UST: variants seen among roughly 807,000 people sequenced by gnomAD.
UST encodes the protein uronyl 2-sulfotransferase.
In UST, 21 loss-of-function variants were observed where a neutral mutation model predicts 45.6. The observed-to-expected ratio is 0.46, with a 90% CI of 0.33 to 0.66. The LOEUF (loss-of-function observed/expected upper bound fraction) is 0.66. Among genes scored for constraint, UST ranks in the 30% least tolerant of loss-of-function variants. The pLI is 0.02. For missense variants in UST, 463 were observed against 512.4 expected, an observed-to-expected ratio of 0.90 and a Z score of 0.93; for synonymous variants, 215 against 200.6, an observed-to-expected ratio of 1.07 and a Z score of -0.61.
chr6:148,791,643 C>G (rs1470811763), intron 1 of UST, among the ~76,000 whole-genome samples: 2 of 152,124 alleles, frequency 1.3e-5, no homozygotes, highest in Non-Finnish European at 2.9e-5. Context: ...TCTTGTTGTC[C>G]TAAGTTCTGT....
At chr6:149,035,637 A>C (rs1279785838) in intron 7 of UST, among the ~76,000 whole-genome samples, 2 of 152,074 alleles carry the variant, frequency 1.3e-5, no homozygotes, top group Non-Finnish European at 2.9e-5. Context: ...GTACAGTCAT[A>C]GTCCCAGCTA....
chr6:148,998,667 C>T (rs1352061794), intron 5 of UST, among the ~76,000 whole-genome samples: 5 of 152,138 alleles, frequency 3.3e-5, no homozygotes, highest in South Asian at 2.1e-4. Context: ...GGTAGGGATG[C>T]GGGCCCATCC....
chr6:148,875,940 A>G (rs1284360862), intron 1 of UST, among the ~76,000 whole-genome samples: 1 of 152,256 alleles, frequency 6.6e-6, no homozygotes, highest in Non-Finnish European at 1.5e-5. Context: ...CATTTAATAC[A>G]TCTAATTTAC....
chr6:148,875,414 A>C (rs1226119521), intron 1 of UST, among the ~76,000 whole-genome samples: 1 of 152,220 alleles, frequency 6.6e-6, no homozygotes, highest in Non-Finnish European at 1.5e-5. Context: ...ATATCAAATA[A>C]TTATTTTATA....
At chr6:148,973,133 CATTA>C (rs1175634799) in intron 5 of UST, among the ~76,000 whole-genome samples, 1 of 152,134 alleles carries the variant, frequency 6.6e-6, no homozygotes, top group African/African-American at 2.4e-5. Context: ...AAATAAATGT[CATTA>C]AAGAGGTTTG....
chr6:148,931,815 C>T (rs897909833), intron 2 of UST, among the ~76,000 whole-genome samples: 1 of 152,172 alleles, frequency 6.6e-6, no homozygotes, highest in Non-Finnish European at 1.5e-5. Flanking sequence ...TAATTTTGAT[C>T]ATAAAAGCCA....
chr6:148,818,894 T>A (rs925604822), intron 1 of UST, among the ~76,000 whole-genome samples: 4 of 152,200 alleles, frequency 2.6e-5, no homozygotes, highest in Non-Finnish European at 5.9e-5. Context: ...GTGGTCTTGC[T>A]CCTCTCTTCC....
At chr6:148,755,335 TAAG>T (rs200349708) in intron 1 of UST, among the ~76,000 whole-genome samples, 3,058 of 152,332 alleles carry the variant, frequency 0.02, 44 homozygotes, top group Non-Finnish European at 0.03. Flanking sequence ...TTATGAGTTT[TAAG>T]AAGAAATATT....
chr6:148,863,040 G>T (rs1778351232), intron 1 of UST, among the ~76,000 whole-genome samples: 4 of 152,116 alleles, frequency 2.6e-5, no homozygotes, highest in Admixed American at 2.6e-4. Flanking sequence ...TTGAATGTTG[G>T]CCTGCCTTGC....
At chr6:148,776,757 C>T (rs1776542355) in intron 1 of UST, among the ~76,000 whole-genome samples, 1 of 152,156 alleles carries the variant, frequency 6.6e-6, no homozygotes, top group African/African-American at 2.4e-5. Flanking sequence ...TTTTCTTCTC[C>T]AGTGGAACTA....
At chr6:148,789,426 A>ATCTCTCTCTCTCTCTC (rs751939500) in intron 1 of UST, among the ~76,000 whole-genome samples, 16 of 143,536 alleles carry the variant, frequency 1.1e-4, no homozygotes, top group African/African-American at 3.9e-4. Flanking sequence ...TCTTGTGCAG[A>ATCTCTCTCTCTCTCTC]TCTCTCTCTC....
chr6:148,976,340 C>T (rs1781016481), intron 5 of UST, among the ~76,000 whole-genome samples: 1 of 152,170 alleles, frequency 6.6e-6, no homozygotes, highest in South Asian at 2.1e-4. Flanking sequence ...ATGGTGATTT[C>T]AAACTACGAA....
At chr6:148,807,044 C>G (rs975552569) in intron 1 of UST, among the ~76,000 whole-genome samples, 1 of 152,208 alleles carries the variant, frequency 6.6e-6, no homozygotes, top group African/African-American at 2.4e-5. Flanking sequence ...TTTTATGTCT[C>G]TCTTAATCTC....
intron 1 of UST, among the ~76,000 whole-genome samples, chr6:148,861,146 G>A (rs1448163449): frequency 2.0e-5 from 3 of 152,090 alleles, no homozygotes; most frequent in Non-Finnish European, 2.9e-5. Context: ...TTGGTTGGTA[G>A]GCTATTAATT....
intron 5 of UST, among the ~76,000 whole-genome samples, chr6:149,002,945 GTT>G (rs1562326363): frequency 1.3e-5 from 2 of 152,166 alleles, no homozygotes; most frequent in East Asian, 3.9e-4. Flanking sequence ...AATCAATCCA[GTT>G]ATTCATTGGT....
At chr6:149,002,539 C>T (rs542414007) in intron 5 of UST, among the ~76,000 whole-genome samples, 30 of 152,214 alleles carry the variant, frequency 2.0e-4, no homozygotes. Flanking sequence ...TGGTGTCTCA[C>T]TCTGTCACCC....
intron 5 of UST, among the ~76,000 whole-genome samples, chr6:148,992,765 C>T (rs1781380039): frequency 6.6e-6 from 1 of 152,138 alleles, no homozygotes; most frequent in South Asian, 2.1e-4. Context: ...GAATACAGGT[C>T]AGGAAATACA....
In UST at chr6:148,953,901, C is replaced by A; in HGVS notation, c.477C>A (p.Ala159=). 6.2e-7 allele frequency: 1 copy of A among 1,607,482 alleles called. No homozygotes were observed. The highest frequency in any genetic ancestry group is 8.5e-7 in the Non-Finnish European group (1 of 1,177,158). Residue 159 remains alanine (A), a synonymous_variant, in exon 4 of 8, where the codon GCC becomes GCA. Transcript: ENST00000367463. The stretch of plus-strand genomic sequence containing the variant: ...AACTGATTAAAAATATAAGTACTGC[C>A]GAACAACCCTATTTATTCACTCGAC... ...QMELIKNIST[A]EQPYLFTRHV...
intron 7 of UST, among the ~76,000 whole-genome samples, chr6:149,022,849 C>T (rs994775815): frequency 5.3e-5 from 8 of 152,152 alleles, no homozygotes; most frequent in African/African-American, 1.9e-4. Flanking sequence ...TCCCAGCTCT[C>T]ATTAGAGTTC....
Sources: allele counts gnomAD v4.1 joint callset (sites outside exome capture counted in the v4.1 genomes callset), GRCh38; gene constraint gnomAD v4.1.1; transcripts MANE v1.5; gene names NCBI Gene and HGNC (gene_info 2026-07-23, HGNC 2026-07-21).